The following GRHL2 variants were observed in gnomAD, a reference collection of about 807,000 sequenced individuals.
The protein encoded by GRHL2 is grainyhead like transcription factor 2, also known as grainyhead-like protein 2 homolog.
In GRHL2, 21 loss-of-function variants were observed where a neutral mutation model predicts 83.8. The ratio of observed to expected loss-of-function variants is 0.25; its 90% CI spans 0.18 to 0.36. GRHL2 has a LOEUF of 0.36. GRHL2 is among the 10% of genes least tolerant of loss of function. GRHL2 has a pLI of 1.00. For missense variants in GRHL2, 623 were observed against 781.8 expected (o/e 0.80, Z 2.42); for synonymous variants, 280 against 278.9 (o/e 1.00, Z -0.04).
intron 1 of GRHL2, among the ~76,000 whole-genome samples, chr8:101,527,832 T>C (rs1382865238): frequency 6.6e-6 from 1 of 152,262 alleles, no homozygotes; most frequent in Non-Finnish European, 1.5e-5. Context: ...GTTTAGACTT[T>C]CATGTTCAAA....
chr8:101,501,941 C>A (rs1384968079), intron 1 of GRHL2, among the ~76,000 whole-genome samples: 1 of 151,716 alleles, frequency 6.6e-6, no homozygotes, highest in Non-Finnish European at 1.5e-5. Context: ...CTTCTTAAAC[C>A]ATGAACGTGA....
chr8:101,631,625 T>C lies in GRHL2; in HGVS notation c.1258-12T>C. The C allele has an allele frequency of 1.9e-6, 3 of 1,611,132 alleles. No individual in the cohort carries two copies. Among genetic ancestry groups the C allele is most frequent in the South Asian group, 1.1e-5 (1 of 90,910 alleles). On this transcript the variant is annotated splice_polypyrimidine_tract_variant and intron_variant, in intron 9 of 15. Coordinates refer to ENST00000646743, the MANE Select transcript of GRHL2 (RefSeq NM_024915.4). ...TGCCTGGCATTTTCTGTATTTGTTT[T>C]TTTCCTATCAGGGAGCAGAAAGAAA...
chr8:101,643,316 G>A (rs1271599433), intron 12 of GRHL2, among the ~76,000 whole-genome samples: 1 of 149,188 alleles, frequency 6.7e-6, no homozygotes, highest in Non-Finnish European at 1.5e-5. Context: ...GATTCCATTC[G>A]GGGACATTTT....
At chr8:101,521,384 C>T (rs572140859) in intron 1 of GRHL2, among the ~76,000 whole-genome samples, 50 of 152,320 alleles carry the variant, frequency 3.3e-4, no homozygotes, top group Non-Finnish European at 6.3e-4. Context: ...ATTTCAGTGA[C>T]GGGCAACAGG....
chr8:101,673,637 A>C (rs2129809783), downstream of GRHL2, among the ~76,000 whole-genome samples: 1 of 152,166 alleles, frequency 6.6e-6, no homozygotes, highest in Non-Finnish European at 1.5e-5. Context: ...TGTCAACATT[A>C]GACAGATCAA....
chr8:101,634,148 C>T (rs1463787099), intron 11 of GRHL2, among the ~76,000 whole-genome samples: 2 of 152,136 alleles, frequency 1.3e-5, no homozygotes, highest in Non-Finnish European at 2.9e-5. Flanking sequence ...GTATATCCTG[C>T]CTATATATCC....
At chr8:101,553,623 CTTTTTTTTTTTT>C (rs1184533206) in intron 3 of GRHL2, among the ~76,000 whole-genome samples, 3 of 106,846 alleles carry the variant, frequency 2.8e-5, no homozygotes, top group African/African-American at 1.1e-4. Context: ...TCATCCACTT[CTTTTTTTTTTTT>C]TTTTTTTTTT....
chr8:101,492,745 G>A lies in GRHL2; in HGVS notation c.-25G>A. 6.2e-7 allele frequency: 1 copy of A among 1,610,772 alleles called. No homozygotes were observed. Among genetic ancestry groups the A allele is most frequent in the Non-Finnish European group, 8.5e-7 (1 of 1,176,946 alleles). On this transcript the variant is annotated 5_prime_UTR_variant, in exon 1 of 16. Coordinates refer to ENST00000646743, the MANE Select transcript of GRHL2 (RefSeq NM_024915.4). ...ACCAGAGGCTGAGGCTCCAGGAAAA[G>A]CGGAGCAAGTTCATTGGATCAAACA...
intron 2 of GRHL2, among the ~76,000 whole-genome samples, chr8:101,552,052 G>A (rs922985147): frequency 5.3e-5 from 8 of 152,014 alleles, no homozygotes; most frequent in East Asian, 1.9e-4. Context: ...AGCCGGGATG[G>A]TCTCTACCTC....
intron 14 of GRHL2, among the ~76,000 whole-genome samples, chr8:101,655,183 T>TAAA: frequency 6.9e-6 from 1 of 144,072 alleles, no homozygotes. Context: ...ACTCCAATCC[T>TAAA]AAAAAAAAAA....
chr8:101,497,187 A>G (rs1810124579), intron 1 of GRHL2, among the ~76,000 whole-genome samples: 1 of 152,158 alleles, frequency 6.6e-6, no homozygotes, highest in Non-Finnish European at 1.5e-5. Context: ...ACTCTGGAGG[A>G]TCCCTGGGGA....
At chr8:101,592,507 G>A (rs1221337301) in intron 7 of GRHL2, among the ~76,000 whole-genome samples, 1 of 152,058 alleles carries the variant, frequency 6.6e-6, no homozygotes, top group Non-Finnish European at 1.5e-5. Flanking sequence ...ATTTGCCATC[G>A]AACAATATTA....
At chr8:101,620,889 A>G (rs1186386736) in intron 9 of GRHL2, among the ~76,000 whole-genome samples, 1 of 152,174 alleles carries the variant, frequency 6.6e-6, no homozygotes, top group Non-Finnish European at 1.5e-5. Flanking sequence ...CTGAGAAGTC[A>G]GAAACTAAAG....
intron 8 of GRHL2, among the ~76,000 whole-genome samples, chr8:101,603,261 C>A (rs944671199): frequency 2.6e-5 from 4 of 152,046 alleles, no homozygotes; most frequent in African/African-American, 4.8e-5. Context: ...ATTGGAGAAA[C>A]CTGTATGTCT....
At chr8:101,617,013 A>G (rs759445010) in intron 8 of GRHL2, among the ~76,000 whole-genome samples, 96 of 152,184 alleles carry the variant, frequency 6.3e-4, no homozygotes, top group Non-Finnish European at 1.0e-3. Context: ...CTCACATCCA[A>G]TGTCTCACAC....
rs33928032 is a variant in GRHL2, at chr8:101,526,525, CTTTT to C, written c.21-16698_21-16695del. On this transcript the variant is annotated intron_variant, in intron 1 of 15. Transcript: ENST00000646743. ...AGTTTCCAAAAATTTTCTTTTTTTC[CTTTT>C]TTTTTTTTTTTTTTTTTGCTTGAAA... Among the ~76,000 whole-genome samples the C allele has an allele frequency of 3.6e-3, 395 of 109,642 alleles. 1 individual carries two copies. Among genetic ancestry groups the C allele is most frequent in the Non-Finnish European group, 5.3e-3 (302 of 56,492 alleles). 71.9% of individuals were successfully genotyped at this position (109,642 alleles called of 152,430 possible). A position where few individuals can be genotyped will look rare whatever the true frequency, so the allele number is the denominator to read the frequency against.
chr8:101,528,332 A>G (rs1810848820), intron 1 of GRHL2, among the ~76,000 whole-genome samples: 1 of 152,030 alleles, frequency 6.6e-6, no homozygotes, highest in Non-Finnish European at 1.5e-5. Flanking sequence ...TTTTTATTCT[A>G]AAAATCATGT....
intron 8 of GRHL2, 135 bp from the exon 9 acceptor site, chr8:101,619,404 G>C (rs1485170253): frequency 4.1e-6 from 3 of 723,064 alleles, no homozygotes; most frequent in Non-Finnish European, 7.3e-6. Context: ...GTTTTTATGT[G>C]AAAAGAATAT....
At chr8:101,674,478 G>A (rs62517401), downstream of GRHL2, among the ~76,000 whole-genome samples, 18 of 152,106 alleles carry the variant, frequency 1.2e-4, no homozygotes, top group East Asian at 3.9e-4. Context: ...TAAATTCCTC[G>A]ACACATACAC....
Sources: allele counts gnomAD v4.1 joint callset (sites outside exome capture counted in the v4.1 genomes callset), GRCh38; gene constraint gnomAD v4.1.1; transcripts MANE v1.5; gene names NCBI Gene and HGNC (gene_info 2026-07-23, HGNC 2026-07-21).